ZNF669: variants seen among roughly 807,000 people sequenced by gnomAD.
ZNF669 encodes zinc finger protein 669.
In ZNF669, 7 loss-of-function variants were observed where a neutral mutation model predicts 11.4. The ratio of observed to expected loss-of-function variants is 0.62; its 90% CI spans 0.35 to 1.16. The LOEUF (loss-of-function observed/expected upper bound fraction) is 1.16. ZNF669 is among the 50% of genes most tolerant of loss of function. ZNF669 has a pLI of 0.02. For missense variants in ZNF669, 492 were observed against 463.6 expected, an observed-to-expected ratio of 1.06 and a Z score of -0.56; for synonymous variants, 153 against 155.8, an observed-to-expected ratio of 0.98 and a Z score of 0.13.
At position 247,101,754 on chromosome 1, in the gene ZNF669, G is replaced by T; in HGVS notation, c.168C>A (p.Phe56Leu). 1 of 1,613,636 alleles carries T rather than the reference G, an allele frequency of 6.2e-7. No individual in the cohort carries two copies. The highest frequency in any genetic ancestry group is 8.5e-7 in the Non-Finnish European group (1 of 1,179,896). The change falls in exon 3 of 4, where the codon TTC (phenylalanine) becomes TTA (leucine). Residue 56 changes from phenylalanine (F) to leucine (L), a missense_variant. Transcript: ENST00000448299. ...QWKDQNIEDH[F>L]EKPGKDIRNH... ...ACCTTATATCTTTCCCAGGTTTTTC[G>T]AAGTGATCTTCAATATTCTGGTCTT...
chr1:247,103,486 T>C (rs1671765433), intron 1 of ZNF669, among the ~76,000 whole-genome samples: 3 of 151,816 alleles, frequency 2.0e-5, no homozygotes, highest in African/African-American at 7.2e-5. Flanking sequence ...ATACAAAAAT[T>C]AGCTGGGCGT....
In ZNF669 at chr1:247,100,906, G is replaced by C; in HGVS notation, c.605C>G (p.Thr202Ser). ...YKCKQCGKAF[T>S]VSGSCLIHER... ...ATGTATTAGACAAGAACCGGAAACA[G>C]TGAATGCTTTACCACATTGTTTACA... The change falls in exon 4 of 4, where the codon ACT (threonine) becomes AGT (serine). Residue 202 changes from threonine to serine, a missense_variant. Thr to Ser is a moderately conservative substitution (Grantham distance 58, BLOSUM62 1). Coordinates refer to ENST00000448299, the MANE Select transcript of ZNF669 (RefSeq NM_001142572.2). 6.2e-7 allele frequency: 1 copy of C among 1,614,052 alleles called. No individual in the cohort carries two copies. Among genetic ancestry groups the C allele is most frequent in the Non-Finnish European group, 8.5e-7 (1 of 1,180,020 alleles).
Position 247,100,411 on chromosome 1 carries a change from G to A in ZNF669, c.1100C>T (p.Pro367Leu). ...CACGCCTTGGCCTCCCAAAGTGCTG[G>A]GATTATAGGCTGAGTCACTACACCC... ...EAGCSDSAYN[P>L]STLGGQGVWI... The change falls in exon 4 of 4, where the codon CCC (proline) becomes CTC (leucine). Residue 367 changes from proline (P) to leucine (L), a missense_variant. Coordinates refer to ENST00000448299, the MANE Select transcript of ZNF669 (RefSeq NM_001142572.2). The A allele has an allele frequency of 6.2e-7, 1 of 1,613,044 alleles. No homozygotes were observed. Among genetic ancestry groups the A allele is most frequent in the Admixed American group, 1.7e-5 (1 of 59,868 alleles).
chr1:247,104,122 A>G (rs761099980), intron 1 of ZNF669, 75 bp downstream of exon 1: 9 of 1,592,462 alleles, frequency 5.7e-6, no homozygotes, highest in Admixed American at 3.6e-5. Context: ...GATGGCGTGG[A>G]GGCCCGAGTC....
Position 247,100,244 on chromosome 1 carries a change from A to G in ZNF669, c.*130T>C, listed in dbSNP as rs1321705064. On this transcript the variant is annotated 3_prime_UTR_variant, in exon 4 of 4. Transcript: ENST00000448299. ...CGTGATCCACCCGCCTCGGCCTCCC[A>G]AAGTGCTGGGATTACAGGCGTAAGC... is the stretch of plus-strand genomic sequence containing the variant. The G allele has an allele frequency of 4.7e-6, 3 of 638,224 alleles. No homozygotes were observed. The highest frequency in any genetic ancestry group is 7.9e-6 in the Non-Finnish European group (3 of 377,900). 39.5% of individuals were successfully genotyped at this position (638,224 alleles called of 1,614,324 possible).
Position 247,100,983 on chromosome 1 carries a change from G to A in ZNF669, c.528C>T (p.Leu176=). 6.2e-7 allele frequency: 1 copy of A among 1,613,124 alleles called. No homozygotes were observed. The highest frequency in any genetic ancestry group is 8.5e-7 in the Non-Finnish European group (1 of 1,179,828). The part of the protein sequence containing the change: ...CTICGKAFYF[L]NSVERHQRTH... ...TTCTCTGATGTCTTTCAACTGAATT[G>A]AGAAAATAAAAAGCTTTCCCACATA... Residue 176 remains leucine, a synonymous_variant, in exon 4 of 4, where the codon CTC becomes CTT. Coordinates refer to ENST00000448299, the MANE Select transcript of ZNF669 (RefSeq NM_001142572.2).
intron 3 of ZNF669, 67 bp downstream of exon 3, chr1:247,101,637 GTGACTCTTATTTGTTTTGATTGCTTGT>G: frequency 1.7e-6 from 2 of 1,206,354 alleles, no homozygotes; most frequent in South Asian, 2.9e-5. Flanking sequence ...TAAATTTCAA[GTGACTCTTATTTGTTTTGATTGCTTGT>G]TTTTAAGTTC....
intron 3 of ZNF669, 79 bp downstream of exon 3, chr1:247,101,652 T>G: frequency 1.5e-6 from 2 of 1,351,210 alleles, no homozygotes; most frequent in Non-Finnish European, 2.0e-6. Flanking sequence ...TCTTATTTGT[T>G]TTGATTGCTT....
Position 247,101,069 on chromosome 1 carries a change from CA to C in ZNF669, c.441del (p.Val148PhefsTer8). ...ATCATGTGTCTTCTAACACCTGGAACAGAAACGAAGAATTTCCCACACTGTT... is the reference window on the plus strand; with the variant it reads ...ATCATGTGTCTTCTAACACCTGGAACGAAACGAAGAATTTCCCACACTGTT... The part of the protein sequence containing the change: ...KCEQCGKFFV[S>X]VPGVRRHMIM... On this transcript the variant is annotated frameshift_variant, in exon 4 of 4. Transcript: ENST00000448299. LOFTEE classifies it low-confidence loss of function (END_TRUNC). 1 of 1,613,988 alleles carries C rather than the reference CA, an allele frequency of 6.2e-7. No homozygotes were observed. The highest frequency in any genetic ancestry group is 1.7e-5 in the Admixed American group (1 of 60,032).
In ZNF669 at chr1:247,100,945, T is replaced by TC. The variant is rs2103085164; in HGVS notation, c.565dup (p.Glu189GlyfsTer5). ...ACATTGTTTACATTTATAGGGTTTT[T>TC]CTCCTGTGTGAGTTCTCTGATGTCT... is the stretch of plus-strand genomic sequence containing the variant. On this transcript the variant is annotated frameshift_variant, in exon 4 of 4. Transcript: ENST00000448299. LOFTEE classifies it low-confidence loss of function (END_TRUNC). 1 of 1,613,594 alleles carries TC rather than the reference T, an allele frequency of 6.2e-7. No individual in the cohort carries two copies. Among genetic ancestry groups the TC allele is most frequent in the East Asian group, 2.2e-5 (1 of 44,876 alleles).
rs1358957068 is a variant in ZNF669 at position 247,104,356 on chromosome 1, C to G, written c.-157G>C. 30 of 1,091,276 alleles carry G rather than the reference C, an allele frequency of 2.7e-5. No individual in the cohort carries two copies. Among genetic ancestry groups the G allele is most frequent in the Non-Finnish European group, 3.7e-5 (30 of 814,752 alleles). 67.6% of individuals were successfully genotyped at this position (1,091,276 alleles called of 1,614,324 possible). A position where few individuals can be genotyped will look rare whatever the true frequency, so the allele number is the denominator to read the frequency against. On this transcript the variant is annotated 5_prime_UTR_variant, in exon 1 of 4. Coordinates refer to ENST00000448299, the MANE Select transcript of ZNF669 (RefSeq NM_001142572.2). Reference sequence around the variant, plus strand: ...AGAGCCGGCTCCGGCGAAGGAGAGACAAAGCAACCGCCAGGCAGATCCCGG... The same window carrying G: ...AGAGCCGGCTCCGGCGAAGGAGAGAGAAAGCAACCGCCAGGCAGATCCCGG...
chr1:247,104,009 G>C, intron 1 of ZNF669, 188 bp downstream of exon 1: 1 of 1,599,876 alleles, frequency 6.3e-7, no homozygotes, highest in Non-Finnish European at 8.5e-7. Flanking sequence ...GGTACAGACA[G>C]GATGCAGGGG....
Position 247,104,308 on chromosome 1 carries a change from A to C in ZNF669, c.-109T>G, listed in dbSNP as rs1671799154. On this transcript the variant is annotated 5_prime_UTR_variant, in exon 1 of 4. Coordinates refer to ENST00000448299, the MANE Select transcript of ZNF669 (RefSeq NM_001142572.2). The stretch of plus-strand genomic sequence containing the variant: ...CCACCTGGGCCTCCCAGAGCCAAGA[A>C]CTAGCAGCGGAGACTAACAGGAAGA... The C allele has an allele frequency of 7.3e-7, 1 of 1,370,264 alleles. No homozygotes were observed. The highest frequency in any genetic ancestry group is 3.3e-5 in the Admixed American group (1 of 30,036). The allele number at this position is 1,370,264 out of a possible 1,614,324, so 84.9% of individuals were successfully genotyped here.
Position 247,101,195 on chromosome 1 carries a change from T to C in ZNF669, c.316A>G (p.Ser106Gly). 3 of 1,614,096 alleles carry C rather than the reference T, an allele frequency of 1.9e-6. No individual in the cohort carries two copies. Among genetic ancestry groups the C allele is most frequent in the Non-Finnish European group, 2.5e-6 (3 of 1,180,014 alleles). Reference sequence around the variant, plus strand: ...CGTACAAAGACTTTTCCACAAATACTGCATTCACATGGTTTTAATCCAGTA... The same window carrying C: ...CGTACAAAGACTTTTCCACAAATACCGCATTCACATGGTTTTAATCCAGTA... ...ISTGLKPCEC[S>G]ICGKVFVRHS... Residue 106 changes from serine (S) to glycine (G), a missense_variant, in exon 4 of 4, where the codon AGT becomes GGT. Coordinates refer to ENST00000448299, the MANE Select transcript of ZNF669 (RefSeq NM_001142572.2).
rs776867862 is a variant in ZNF669 at position 247,102,046 on chromosome 1, G to C, written c.71C>G (p.Ser24Cys). The change falls in exon 2 of 4, where the codon TCT becomes TGT. Residue 24 changes from serine to cysteine, a missense_variant. Physicochemically the swap from Ser to Cys is moderately radical, Grantham distance 112 (BLOSUM62 -1). Coordinates refer to ENST00000448299, the MANE Select transcript of ZNF669 (RefSeq NM_001142572.2). Reference protein sequence around the residue: ...TQEEWALLDSSQKNLYREVMQ... With the variant: ...TQEEWALLDSCQKNLYREVMQ... ...CACTTCTCTGTAGAGATTCTTCTGAGAAGAATCTAGCAAAGCCCATTCCTC... is the reference window on the plus strand; with the variant it reads ...CACTTCTCTGTAGAGATTCTTCTGACAAGAATCTAGCAAAGCCCATTCCTC... 3.1e-6 allele frequency: 5 copies of C among 1,613,496 alleles called. No homozygotes were observed. The highest frequency in any genetic ancestry group is 1.7e-5 in the Admixed American group (1 of 59,874).
rs1480590700 is a variant in ZNF669, at chr1:247,100,940, G to A, written c.571C>T (p.Pro191Ser). 1 of 1,613,414 alleles carries A rather than the reference G, an allele frequency of 6.2e-7. No homozygotes were observed. Among genetic ancestry groups the A allele is most frequent in the Non-Finnish European group, 8.5e-7 (1 of 1,179,888 alleles). ...RHQRTHTGEK[P>S]YKCKQCGKAF... ...TTACCACATTGTTTACATTTATAGG[G>A]TTTTTCTCCTGTGTGAGTTCTCTGA... The change falls in exon 4 of 4, where the codon CCC becomes TCC. Residue 191 changes from proline to serine, a missense_variant. Pro to Ser is a moderately conservative substitution (Grantham distance 74, BLOSUM62 -1). Transcript: ENST00000448299.
intron 1 of ZNF669, among the ~76,000 whole-genome samples, chr1:247,103,306 T>C (rs183741165): frequency 2.0e-5 from 3 of 152,284 alleles, no homozygotes; most frequent in Admixed American, 6.5e-5. Context: ...TGGTTTATTC[T>C]CCGCTTTCCT....
intron 1 of ZNF669, chr1:247,103,935 C>A (rs1236702138): frequency 3.1e-6 from 5 of 1,596,752 alleles, no homozygotes; most frequent in Non-Finnish European, 4.3e-6. Context: ...GGTCACCACA[C>A]TACCTGGATA....
At chr1:247,103,723 C>A (rs1671777746) in intron 1 of ZNF669, among the ~76,000 whole-genome samples, 1 of 151,802 alleles carries the variant, frequency 6.6e-6, no homozygotes, top group Non-Finnish European at 1.5e-5. Flanking sequence ...TCTGTGGACC[C>A]CAAACCACAA....
Sources: gnomAD v4.1 joint callset for allele counts (sites outside exome capture counted in the v4.1 genomes callset) on GRCh38, gnomAD v4.1.1 for gene constraint, MANE v1.5 for transcripts, NCBI Gene and HGNC (gene_info 2026-07-23, HGNC 2026-07-21) for gene names.